Variants in MAPK8 observed in about 807,000 individuals in gnomAD.
MAPK8 encodes mitogen-activated protein kinase 8.
Under a neutral mutation model 52.9 loss-of-function variants are expected in MAPK8, and 13 were observed. The ratio of observed to expected loss-of-function variants is 0.25; its 90% confidence interval spans 0.16 to 0.39. The LOEUF is 0.39. Ranked by LOEUF, MAPK8 falls within the 10% of genes least tolerant of loss-of-function variation. MAPK8 has a pLI of 1.00. For missense variants in MAPK8, 300 were observed against 519.2 expected, an observed-to-expected ratio of 0.58 and a Z score of 4.10; for synonymous variants, 191 against 169.8, an observed-to-expected ratio of 1.12 and a Z score of -0.97.
At chr10:48,430,605 A>G (rs2044139192) in intron 10 of MAPK8, 1 of 152,706 alleles carries the variant, frequency 6.5e-6, no homozygotes, top group African/African-American at 2.4e-5. Flanking sequence ...AAAGATTCCC[A>G]TGGAGAAATG....
At chr10:48,358,679 G>C (rs1486360261) in intron 1 of MAPK8, among the ~76,000 whole-genome samples, 1 of 152,076 alleles carries the variant, frequency 6.6e-6, no homozygotes, top group Admixed American at 6.5e-5. Flanking sequence ...CTACAAAACC[G>C]TTGCCAAATC....
At chr10:48,399,837 C>T (rs769218261) in intron 1 of MAPK8, among the ~76,000 whole-genome samples, 1 of 152,214 alleles carries the variant, frequency 6.6e-6, no homozygotes, top group Non-Finnish European at 1.5e-5. Flanking sequence ...AGTCTGAATG[C>T]TTGGGTGGAA....
chr10:48,419,765 T>A, intron 5 of MAPK8, among the ~76,000 whole-genome samples: 1 of 152,202 alleles, frequency 6.6e-6, no homozygotes, highest in East Asian at 1.9e-4. Context: ...GACTTTAAAA[T>A]GAGATTTTAA....
chr10:48,383,471 T>A (rs1046876998), intron 1 of MAPK8, among the ~76,000 whole-genome samples: 2 of 152,220 alleles, frequency 1.3e-5, no homozygotes, highest in African/African-American at 4.8e-5. Flanking sequence ...TTGTAAATGT[T>A]TCTCTCCTAA....
chr10:48,355,621 GAAAAGTAC>G (rs1846833857), intron 1 of MAPK8, among the ~76,000 whole-genome samples: 1 of 151,954 alleles, frequency 6.6e-6, no homozygotes. Context: ...AGAAACAGTT[GAAAAGTAC>G]GAAAGAGAAG....
rs539356566 is a variant in MAPK8 at position 48,319,845 on chromosome 10, T to C, written c.-50+13024T>C. Reference sequence around the variant, plus strand: ...CATACACTGTGCGATCTTTTGTGACTGGCTTATTTCACTTAGCATGATGTT... The same window carrying C: ...CATACACTGTGCGATCTTTTGTGACCGGCTTATTTCACTTAGCATGATGTT... On this transcript the variant is annotated intron_variant, in intron 1 of 11. Coordinates refer to ENST00000374189, the MANE Select transcript of MAPK8 (RefSeq NM_001323329.2). Among the ~76,000 whole-genome samples, 8 of 152,258 alleles carry C rather than the reference T, an allele frequency of 5.3e-5. No homozygotes were observed. In the East Asian group the frequency reaches 1.5e-3, roughly 29 times the overall value.
chr10:48,435,221 G>T lies in MAPK8; in HGVS notation c.*192G>T. The T allele has an allele frequency of 2.2e-6, 1 of 458,104 alleles. No individual in the cohort carries two copies. Among genetic ancestry groups the T allele is most frequent in the South Asian group, 5.4e-5 (1 of 18,646 alleles). The allele number at this position is 458,104 out of a possible 1,614,324, so 28.4% of individuals were successfully genotyped here. On this transcript the variant is annotated 3_prime_UTR_variant, in exon 12 of 12. Coordinates refer to ENST00000374189, the MANE Select transcript of MAPK8 (RefSeq NM_001323329.2). The stretch of plus-strand genomic sequence containing the variant: ...AAAACCTAAGTTGTGTTTCAAAACA[G>T]CAACAAAACTGTATTGTATTTTTTT...
chr10:48,407,743 A>G (rs889773355), intron 3 of MAPK8, among the ~76,000 whole-genome samples: 4 of 152,228 alleles, frequency 2.6e-5, no homozygotes, highest in Non-Finnish European at 5.9e-5. Context: ...GATAAAAGAA[A>G]GAAATCTTTT....
At chr10:48,401,226 A>T (rs2042143071) in intron 1 of MAPK8, among the ~76,000 whole-genome samples, 1 of 152,246 alleles carries the variant, frequency 6.6e-6, no homozygotes, top group Non-Finnish European at 1.5e-5. Flanking sequence ...TCTTACAAAA[A>T]TTAAGGTTTT....
chr10:48,431,388 A>G (rs2044238653), intron 11 of MAPK8, 118 bp downstream of exon 11: 3 of 692,284 alleles, frequency 4.3e-6, no homozygotes, highest in East Asian at 5.4e-5. Flanking sequence ...TCCAGGCTTA[A>G]TAAGTATAAG....
intron 1 of MAPK8, among the ~76,000 whole-genome samples, chr10:48,365,283 G>T (rs368878888): frequency 1.3e-5 from 2 of 152,124 alleles, no homozygotes; most frequent in African/African-American, 4.8e-5. Flanking sequence ...CTTAATTTCT[G>T]TGTGGCTGTG....
chr10:48,425,284 A>G (rs974971388), intron 7 of MAPK8: 2 of 677,714 alleles, frequency 3.0e-6, no homozygotes, highest in Non-Finnish European at 5.4e-6. Flanking sequence ...GAGACCAAGA[A>G]ATCCTAACCT....
Position 48,431,201 on chromosome 10 carries a change from T to C in MAPK8, c.1069T>C (p.Tyr357His), listed in dbSNP as rs201417282. 9 of 1,603,490 alleles carry C rather than the reference T, an allele frequency of 5.6e-6. No individual in the cohort carries two copies. The highest frequency in any genetic ancestry group is 1.7e-5 in the Admixed American group (1 of 59,990). Reference sequence around the variant, plus strand: ...GTTTACTTCTTTTACAGAATTGATATATAAGGAAGTTATGGACTTGGAGGA... The same window carrying C: ...GTTTACTTCTTTTACAGAATTGATACATAAGGAAGTTATGGACTTGGAGGA... ...HTIEEWKELIYKEVMDLEERT... is the reference protein window; with the variant it reads ...HTIEEWKELIHKEVMDLEERT... Residue 357 changes from tyrosine to histidine, a missense_variant, in exon 11 of 12, where the codon TAT (tyrosine) becomes CAT (histidine). Coordinates refer to ENST00000374189, the MANE Select transcript of MAPK8 (RefSeq NM_001323329.2).
chr10:48,407,347 C>A (rs1028736438), intron 3 of MAPK8, among the ~76,000 whole-genome samples: 7 of 152,116 alleles, frequency 4.6e-5, no homozygotes, highest in African/African-American at 1.7e-4. Flanking sequence ...ATTTTGAAAT[C>A]TTCATATACT....
At chr10:48,406,710 G>A (rs541835844) in intron 3 of MAPK8, among the ~76,000 whole-genome samples, 4 of 152,192 alleles carry the variant, frequency 2.6e-5, no homozygotes, top group Non-Finnish European at 5.9e-5. Flanking sequence ...TGTACAGATT[G>A]TCTCTTCACT....
intron 1 of MAPK8, among the ~76,000 whole-genome samples, chr10:48,333,902 C>G (rs750225792): frequency 1.3e-5 from 2 of 149,518 alleles, no homozygotes; most frequent in African/African-American, 2.5e-5. Context: ...GCTCCCAAAT[C>G]TGGTTGTGCA....
intron 1 of MAPK8, among the ~76,000 whole-genome samples, chr10:48,397,553 A>G (rs536493976): frequency 3.9e-5 from 6 of 152,270 alleles, no homozygotes; most frequent in African/African-American, 1.4e-4. Flanking sequence ...AAGGGATGGC[A>G]TGAAGATGTT....
intron 7 of MAPK8, among the ~76,000 whole-genome samples, chr10:48,425,011 C>T (rs1180379523): frequency 6.6e-6 from 1 of 152,104 alleles, no homozygotes; most frequent in Non-Finnish European, 1.5e-5. Flanking sequence ...TGTCTCATTA[C>T]TCACATAACA....
At chr10:48,376,976 A>C (rs896711013) in intron 1 of MAPK8, among the ~76,000 whole-genome samples, 1 of 152,228 alleles carries the variant, frequency 6.6e-6, no homozygotes, top group African/African-American at 2.4e-5. Context: ...CCAAATGCCC[A>C]ACAGTGATAG....
Sources: gnomAD v4.1 joint callset for allele counts (sites outside exome capture counted in the v4.1 genomes callset) on GRCh38, gnomAD v4.1.1 for gene constraint, MANE v1.5 for transcripts, NCBI Gene and HGNC (gene_info 2026-07-23, HGNC 2026-07-21) for gene names.